DIS3L: variants seen among roughly 807,000 people sequenced by gnomAD.
The protein encoded by DIS3L is DIS3 like exosome 3'-5' exoribonuclease.
DIS3L carries 100 observed loss-of-function variants against 120.3 expected under a neutral mutation model. That is an observed-to-expected ratio of 0.83 (90% CI 0.71 to 0.98). The LOEUF (loss-of-function observed/expected upper bound fraction) is 0.98. Ranked by LOEUF, DIS3L falls within the 50% of genes least tolerant of loss-of-function variation. The pLI is 0.00. For synonymous variants in DIS3L, 426 were observed against 470.6 expected (o/e 0.91, Z 1.23); for missense variants, 1,196 against 1,314.2 (o/e 0.91, Z 1.39).
Position 66,326,377 on chromosome 15 carries a change from T to C in DIS3L, c.2201+13T>C, listed in dbSNP as rs2140404058. The C allele has an allele frequency of 6.2e-7, 1 of 1,610,086 alleles. No individual in the cohort carries two copies. Among genetic ancestry groups the C allele is most frequent in the East Asian group, 2.2e-5 (1 of 44,806 alleles). ...TCATAGATACACGGTATTCCTCTTT[T>C]GAGGGGGCAGAGGAATGGAGTGGCA... On this transcript the variant is annotated intron_variant, in intron 12 of 16. Transcript: ENST00000319212.
intron 7 of DIS3L, among the ~76,000 whole-genome samples, chr15:66,316,994 C>T (rs1389976078): frequency 2.0e-5 from 3 of 152,148 alleles, no homozygotes; most frequent in Non-Finnish European, 4.4e-5. Flanking sequence ...TTGCTCCAGC[C>T]GCAGTGACAA....
intron 3 of DIS3L, 126 bp from the exon 4 acceptor site, chr15:66,308,583 T>C (rs1434740604): frequency 1.6e-6 from 2 of 1,250,816 alleles, no homozygotes; most frequent in East Asian, 4.9e-5. Flanking sequence ...ACTCCAGAAG[T>C]ATTTGTTGAA....
At chr15:66,324,530 T>C (rs2092916957) in intron 11 of DIS3L, among the ~76,000 whole-genome samples, 1 of 152,210 alleles carries the variant, frequency 6.6e-6, no homozygotes, top group African/African-American at 2.4e-5. Flanking sequence ...TATTTGATTA[T>C]GGGATTTCTG....
At chr15:66,317,344 GGAAAAAAA>G (rs764541040) in intron 7 of DIS3L, among the ~76,000 whole-genome samples, 1,547 of 79,066 alleles carry the variant, frequency 0.02, 13 homozygotes, top group South Asian at 0.071. Context: ...AATATTTGTG[GGAAAAAAA>G]AAAAAAAAAA....
At chr15:66,319,694 C>T (rs1364299087) in intron 8 of DIS3L, among the ~76,000 whole-genome samples, 1 of 152,148 alleles carries the variant, frequency 6.6e-6, no homozygotes, top group Non-Finnish European at 1.5e-5. Context: ...CATCTTGAAG[C>T]CTTATGCAGG....
rs143850391 is a variant in DIS3L, at chr15:66,314,447, T to C, written c.814+330T>C. On this transcript the variant is annotated intron_variant, in intron 6 of 16. Transcript: ENST00000319212. ...GTCTGTGCTGCCTCAATGTGCTATA[T>C]TGCTTTATTGGAGTAAATTTTTTTT... Among the ~76,000 whole-genome samples, 462 of 152,336 alleles carry C rather than the reference T, an allele frequency of 3.0e-3. 5 individuals are homozygous for C. The highest frequency in any genetic ancestry group is 0.01 in the African/African-American group (430 of 41,566).
At chr15:66,294,333 A>G (rs1214733801) in intron 1 of DIS3L, 2 of 985,362 alleles carry the variant, frequency 2.0e-6, no homozygotes, top group African/African-American at 3.5e-5. Flanking sequence ...TCTAGGCCAC[A>G]AGGGTGGCCG....
intron 4 of DIS3L, among the ~76,000 whole-genome samples, chr15:66,309,829 C>G (rs2092742793): frequency 6.6e-6 from 1 of 152,142 alleles, no homozygotes; most frequent in Non-Finnish European, 1.5e-5. Context: ...TGTGAATGTT[C>G]ATAGGGGTTA....
chr15:66,321,885 G>C (rs2092888589), intron 9 of DIS3L, among the ~76,000 whole-genome samples: 2 of 151,966 alleles, frequency 1.3e-5, no homozygotes, highest in African/African-American at 4.8e-5. Flanking sequence ...GGGTATAAAA[G>C]ATTTAAATAG....
chr15:66,330,399 T>C, intron 14 of DIS3L: 1 of 985,426 alleles, frequency 1.0e-6, no homozygotes, highest in Non-Finnish European at 1.2e-6. Flanking sequence ...TTGAAGCTGC[T>C]TTCTATTCTA....
chr15:66,332,836 C>T lies in DIS3L; in HGVS notation c.2782C>T (p.Arg928Ter), dbSNP rs768551036. The change falls in exon 16 of 17, where the codon CGA becomes TGA. Residue 928 changes from arginine (R) to a stop codon, truncating the protein, a stop_gained. Transcript: ENST00000319212. LOFTEE classifies it high-confidence loss of function. ...CSEWKPGSLQ[R>*]FQNKITSTTT... ...TGAATGGAAACCAGGATCCCTTCAA[C>T]GATTTCAAAACAAAATTACCTCTAC... 8.1e-6 allele frequency: 13 copies of T among 1,613,914 alleles called. No homozygotes were observed. The highest frequency in any genetic ancestry group is 2.2e-5 in the East Asian group (1 of 44,844).
chr15:66,322,606 G>T, intron 9 of DIS3L, 81 bp from the exon 10 acceptor site: 2 of 1,565,168 alleles, frequency 1.3e-6, no homozygotes, highest in Non-Finnish European at 1.7e-6. Context: ...TTTCTATGTG[G>T]TCATACTGAG....
At chr15:66,308,973 G>GA in intron 4 of DIS3L, 129 bp downstream of exon 4, 3 of 1,009,860 alleles carry the variant, frequency 3.0e-6, no homozygotes, top group Non-Finnish European at 4.1e-6. Flanking sequence ...GGCCAGGCGT[G>GA]GTGGCTCATG....
intron 2 of DIS3L, among the ~76,000 whole-genome samples, chr15:66,304,998 C>CTTTTTT (rs1283384329): frequency 5.7e-5 from 6 of 105,064 alleles, no homozygotes; most frequent in Admixed American, 1.1e-4. Context: ...AAATCGATTT[C>CTTTTTT]TTTTTTTTTT....
chr15:66,321,410 C>G, intron 9 of DIS3L, among the ~76,000 whole-genome samples: 1 of 152,178 alleles, frequency 6.6e-6, no homozygotes, highest in Middle Eastern at 3.4e-3. Flanking sequence ...TTGACGTACC[C>G]TAGTTTGCTT....
intron 2 of DIS3L, among the ~76,000 whole-genome samples, chr15:66,305,211 A>C (rs1311364823): frequency 6.6e-6 from 1 of 151,810 alleles, no homozygotes. Flanking sequence ...TGTGTTAGCC[A>C]GGATGGTCTC....
rs1170535949 is a variant in DIS3L, at chr15:66,323,526, T to A, written c.1608T>A (p.Tyr536Ter). 6.2e-7 allele frequency: 1 copy of A among 1,614,280 alleles called. No individual in the cohort carries two copies. Among genetic ancestry groups the A allele is most frequent in the South Asian group, 1.1e-5 (1 of 91,086 alleles). The change falls in exon 11 of 17, where the codon TAT becomes TAA. Residue 536 changes from tyrosine (Y) to a stop codon, truncating the protein, a stop_gained. Transcript: ENST00000319212. LOFTEE classifies it high-confidence loss of function. The stretch of plus-strand genomic sequence containing the variant: ...CTTATTATCTAGCAGATCGTCGCTA[T>A]GACATGCTGCCTTCCGTCCTCAGTG... ...ATTYYLADRR[Y>*]DMLPSVLSAD...
At chr15:66,293,457 G>C, upstream of DIS3L, 8 of 1,218,920 alleles carry the variant, frequency 6.6e-6, no homozygotes, top group Non-Finnish European at 8.1e-6. Context: ...AGCCTGGAGC[G>C]TGTAGCTCCG....
intron 12 of DIS3L, 120 bp downstream of exon 12, chr15:66,326,484 G>A: frequency 8.8e-7 from 1 of 1,138,688 alleles, no homozygotes; most frequent in Non-Finnish European, 1.2e-6. Context: ...CAGATTCTTG[G>A]CTCTCCTCAT....
Sources: allele counts gnomAD v4.1 joint callset (sites outside exome capture counted in the v4.1 genomes callset), GRCh38; gene constraint gnomAD v4.1.1; transcripts MANE v1.5; gene names NCBI Gene and HGNC (gene_info 2026-07-23, HGNC 2026-07-21).